ZNF567: variants seen among roughly 807,000 people sequenced by gnomAD.
ZNF567 encodes zinc finger protein 567.
A neutral mutation model predicts 53.9 loss-of-function variants in ZNF567; 36 were observed. That is an observed-to-expected ratio of 0.67 (90% CI 0.51 to 0.88). The LOEUF is 0.88. ZNF567 is among the 40% of genes least tolerant of loss of function. The pLI is 0.00. For synonymous variants in ZNF567, 224 were observed against 260.4 expected, an observed-to-expected ratio of 0.86 and a Z score of 1.35; for missense variants, 619 against 764.7, an observed-to-expected ratio of 0.81 and a Z score of 2.25.
At chr19:36,685,905 G>C (rs895741038), upstream of ZNF567, 24 of 152,358 alleles carry the variant, frequency 1.6e-4, no homozygotes, top group African/African-American at 5.5e-4. Flanking sequence ...GAGGCTGGAT[G>C]GTTCAAGATG....
At chr19:36,701,408 G>A (rs1209708623) in intron 3 of ZNF567, among the ~76,000 whole-genome samples, 1 of 150,918 alleles carries the variant, frequency 6.6e-6, no homozygotes, top group African/African-American at 2.4e-5. Flanking sequence ...TGTTGATTTG[G>A]GGTGGAGAGT....
intron 3 of ZNF567, among the ~76,000 whole-genome samples, 168 bp downstream of exon 3, chr19:36,695,044 A>G (rs563873319): frequency 3.3e-5 from 5 of 151,810 alleles, no homozygotes; most frequent in East Asian, 1.9e-4. Flanking sequence ...ACCTTCCACA[A>G]ATGCTCCCAA....
rs761546938 is a variant in ZNF567, at chr19:36,719,719, CAG to C, written c.996_997del (p.Lys335IlefsTer3). On this transcript the variant is annotated frameshift_variant, in exon 6 of 6. Transcript: ENST00000682579. LOFTEE classifies it high-confidence loss of function. ...CTCACTGATCATCAGAGAACACACA[CAG>C]GGGAGAAATCGTATGAATGTCTGCA... is the stretch of plus-strand genomic sequence containing the variant. 2.5e-5 allele frequency: 40 copies of C among 1,614,012 alleles called. No individual in the cohort carries two copies. Among genetic ancestry groups the C allele is most frequent in the East Asian group, 4.5e-5 (2 of 44,862 alleles).
At chr19:36,723,580 A>G (rs568031698), downstream of ZNF567, among the ~76,000 whole-genome samples, 1 of 152,314 alleles carries the variant, frequency 6.6e-6, no homozygotes, top group African/African-American at 2.4e-5. Context: ...TCACACCTGT[A>G]ATCCCAGCAC....
rs1389770857 is a variant in ZNF567, at chr19:36,719,043, G to C, written c.319G>C (p.Val107Leu). 6.2e-7 allele frequency: 1 copy of C among 1,611,916 alleles called. No homozygotes were observed. The highest frequency in any genetic ancestry group is 1.3e-5 in the African/African-American group (1 of 74,778). ...SVVSINHKKL[V>L]KEKSKIYEKT... ...TGTAAGCATCAACCACAAAAAACTG[G>C]TGAAGGAGAAGAGTAAAATATATGA... The change falls in exon 6 of 6, where the codon GTG becomes CTG. Residue 107 changes from valine (V) to leucine (L), a missense_variant. Physicochemically the swap from Val to Leu is conservative, Grantham distance 32. Transcript: ENST00000682579.
chr19:36,674,542 T>C, the ZNF567 span, among the ~76,000 whole-genome samples: 2 of 152,268 alleles, frequency 1.3e-5, no homozygotes, highest in Non-Finnish European at 2.9e-5. Flanking sequence ...GCATTATGGC[T>C]AATATTTCGG....
At chr19:36,671,924 CAT>C in the ZNF567 span, among the ~76,000 whole-genome samples, 3 of 152,248 alleles carry the variant, frequency 2.0e-5, no homozygotes, top group African/African-American at 7.2e-5. Flanking sequence ...TGAAGGCACA[CAT>C]GTGAAGAAGT....
intron 3 of ZNF567, among the ~76,000 whole-genome samples, chr19:36,698,203 C>T (rs141422086): frequency 8.5e-5 from 13 of 152,120 alleles, no homozygotes; most frequent in Admixed American, 2.6e-4. Context: ...TGATAGTTTA[C>T]GGAGAATGAT....
At chr19:36,715,993 A>G (rs1206399524) in intron 5 of ZNF567, among the ~76,000 whole-genome samples, 1 of 152,202 alleles carries the variant, frequency 6.6e-6, no homozygotes, top group African/African-American at 2.4e-5. Flanking sequence ...CAAAATGACA[A>G]CTATCTTATT....
At chr19:36,712,561 A>C in intron 4 of ZNF567, 49 bp downstream of exon 4, 1 of 1,611,294 alleles carries the variant, frequency 6.2e-7, no homozygotes, top group Non-Finnish European at 8.5e-7. Flanking sequence ...TTCCTCTCAA[A>C]GTGCCTAATT....
intron 3 of ZNF567, among the ~76,000 whole-genome samples, chr19:36,702,810 C>T (rs572204926): frequency 6.6e-6 from 1 of 152,306 alleles, no homozygotes; most frequent in African/African-American, 2.4e-5. Context: ...GTTGGTTATT[C>T]TAGTTATACA....
chr19:36,697,453 C>T (rs1248189619), intron 3 of ZNF567, among the ~76,000 whole-genome samples: 1 of 151,840 alleles, frequency 6.6e-6, no homozygotes, highest in Non-Finnish European at 1.5e-5. Flanking sequence ...TCTATATTCC[C>T]TTCATTTCTG....
At chr19:36,681,835 C>T in the ZNF567 span, among the ~76,000 whole-genome samples, 1 of 151,740 alleles carries the variant, frequency 6.6e-6, no homozygotes, top group Admixed American at 6.6e-5. Context: ...TGTTACACAA[C>T]AGAACACCAA....
At chr19:36,718,154 T>C (rs1269285837) in intron 5 of ZNF567, among the ~76,000 whole-genome samples, 1 of 152,138 alleles carries the variant, frequency 6.6e-6, no homozygotes, top group Non-Finnish European at 1.5e-5. Flanking sequence ...AGGAGGTGGG[T>C]TGAACAGCTG....
At chr19:36,684,171 C>T (rs2038228305), upstream of ZNF567, among the ~76,000 whole-genome samples, 1 of 152,088 alleles carries the variant, frequency 6.6e-6, no homozygotes, top group African/African-American at 2.4e-5. Context: ...AATTTGTTCA[C>T]TATATTTTGT....
intron 3 of ZNF567, among the ~76,000 whole-genome samples, chr19:36,695,135 C>T (rs1488025291): frequency 6.6e-6 from 1 of 151,590 alleles, no homozygotes; most frequent in East Asian, 1.9e-4. Context: ...TCGCTCCCAG[C>T]ACTTTGAGAG....
intron 3 of ZNF567, among the ~76,000 whole-genome samples, chr19:36,701,869 C>CTG (rs1316503246): frequency 1.7e-5 from 1 of 57,204 alleles, no homozygotes; most frequent in Non-Finnish European, 3.6e-5. Context: ...TGGGTCTTGA[C>CTG]TCTATCCAAT....
intron 3 of ZNF567, among the ~76,000 whole-genome samples, chr19:36,707,682 A>G (rs1304157550): frequency 6.6e-6 from 1 of 152,020 alleles, no homozygotes; most frequent in African/African-American, 2.4e-5. Context: ...GGTTTAAGTG[A>G]TTCTCCTGCC....
chr19:36,714,401 A>T (rs1409888644), intron 5 of ZNF567: 1 of 395,526 alleles, frequency 2.5e-6, no homozygotes, highest in Non-Finnish European at 4.5e-6. Flanking sequence ...TGACCTTGTG[A>T]TCTGCCCACC....
Sources: allele counts gnomAD v4.1 joint callset (sites outside exome capture counted in the v4.1 genomes callset), GRCh38; gene constraint gnomAD v4.1.1; transcripts MANE v1.5; gene names NCBI Gene and HGNC (gene_info 2026-07-23, HGNC 2026-07-21).